The following GRIN2B variants were observed in gnomAD, a reference collection of about 807,000 sequenced individuals.
GRIN2B encodes the protein glutamate ionotropic receptor NMDA type subunit 2B.
A neutral mutation model predicts 114.5 loss-of-function variants in GRIN2B; 5 were observed. That is an observed-to-expected ratio of 0.04 (90% confidence interval 0.02 to 0.09). The LOEUF is 0.09. Among genes scored for constraint, GRIN2B ranks in the 10% least tolerant of loss-of-function variants. GRIN2B has a pLI of 1.00. For missense variants in GRIN2B, 1,108 were observed against 1,943.5 expected, an observed-to-expected ratio of 0.57 and a Z score of 8.08; for synonymous variants, 787 against 745.1, an observed-to-expected ratio of 1.06 and a Z score of -0.92.
At chr12:13,625,648 G>A (rs1408171617) in intron 5 of GRIN2B, among the ~76,000 whole-genome samples, 1 of 152,122 alleles carries the variant, frequency 6.6e-6, no homozygotes, top group Non-Finnish European at 1.5e-5. Flanking sequence ...CAATTGTCAA[G>A]GGGGAAATAC....
At chr12:13,840,515 G>A (rs910070737) in intron 3 of GRIN2B, among the ~76,000 whole-genome samples, 1 of 151,914 alleles carries the variant, frequency 6.6e-6, no homozygotes, top group South Asian at 2.1e-4. Context: ...CAGTTTTCTT[G>A]TATATAAAAT....
rs1022239441 is a variant in GRIN2B, at chr12:13,972,379, A to C, written c.-19+7549T>G. 3.3e-5 allele frequency among the ~76,000 whole-genome samples: 5 copies of C among 152,188 alleles called. No homozygotes were observed. In the East Asian group the frequency reaches 9.6e-4, roughly 29 times the overall value. On this transcript the variant is annotated intron_variant, in intron 2 of 13. Transcript: ENST00000609686. ...ACGGTTTGTACATGGTCACAGAATAAAGCAACACAAGCAGAATTAAATATA... is the reference window on the plus strand; with the variant it reads ...ACGGTTTGTACATGGTCACAGAATACAGCAACACAAGCAGAATTAAATATA...
intron 3 of GRIN2B, among the ~76,000 whole-genome samples, chr12:13,818,359 C>G (rs1864869674): frequency 6.6e-6 from 1 of 152,198 alleles, no homozygotes. Flanking sequence ...TTTCTGGGTA[C>G]TAATTCATGC....
intron 12 of GRIN2B, among the ~76,000 whole-genome samples, chr12:13,569,614 T>TGAGAC (rs1948682435): frequency 6.6e-6 from 1 of 152,220 alleles, no homozygotes; most frequent in East Asian, 1.9e-4. Context: ...TCTGGAAATG[T>TGAGAC]GAGACAAGAC....
At chr12:13,819,519 T>C (rs1404810038) in intron 3 of GRIN2B, among the ~76,000 whole-genome samples, 2 of 152,184 alleles carry the variant, frequency 1.3e-5, no homozygotes, top group African/African-American at 2.4e-5. Flanking sequence ...ACAGGATGTG[T>C]TTCCTAGTTC....
rs117091055 is a variant in GRIN2B at position 13,606,704 on chromosome 12, G to A, written c.2010+1899C>T. ...GTTACAGAAACAGTCACCAAAAGGC[G>A]ATTGTGGTAGCGGCTGCAAATGGGG... On this transcript the variant is annotated intron_variant, in intron 10 of 13. Coordinates refer to ENST00000609686, the MANE Select transcript of GRIN2B (RefSeq NM_000834.5). Among the ~76,000 whole-genome samples the A allele has an allele frequency of 6.0e-3, 921 of 152,274 alleles. 6 individuals are homozygous for A. The highest frequency in any genetic ancestry group is 9.4e-3 in the Non-Finnish European group (641 of 68,028).
At chr12:13,640,473 A>G (rs2136506429) in intron 5 of GRIN2B, among the ~76,000 whole-genome samples, 1 of 152,016 alleles carries the variant, frequency 6.6e-6, no homozygotes, top group East Asian at 1.9e-4. Context: ...GTTATTCCCC[A>G]TAGCTGTTGT....
rs1346466765 is a variant in GRIN2B at position 13,541,666 on chromosome 12, G to A, written c.*21117C>T. The A allele has an allele frequency of 6.6e-6, 1 of 152,248 alleles. No individual in the cohort carries two copies. Among genetic ancestry groups the A allele is most frequent in the Non-Finnish European group, 1.5e-5 (1 of 68,052 alleles). The allele number at this position is 152,248 out of a possible 1,614,324, so 9.4% of individuals were successfully genotyped here. ...TTAATCTTTTGGGGGAAAACGGCTG[G>A]CAGGATATGACCATGCTGAAGGGTT... On this transcript the variant is annotated 3_prime_UTR_variant, in exon 14 of 14. Coordinates refer to ENST00000609686, the MANE Select transcript of GRIN2B (RefSeq NM_000834.5).
At chr12:13,600,162 C>A (rs1187543852) in intron 10 of GRIN2B, among the ~76,000 whole-genome samples, 1 of 152,124 alleles carries the variant, frequency 6.6e-6, no homozygotes. Flanking sequence ...TAATACAGAG[C>A]AGATCCAGGA....
At chr12:13,681,363 G>T (rs535778128) in intron 4 of GRIN2B, among the ~76,000 whole-genome samples, 7 of 152,084 alleles carry the variant, frequency 4.6e-5, no homozygotes, top group Admixed American at 3.9e-4. Flanking sequence ...CCCCTAGTCC[G>T]GTGTTCTTTC....
At chr12:13,965,259 G>A (rs1337626318) in intron 2 of GRIN2B, among the ~76,000 whole-genome samples, 1 of 152,122 alleles carries the variant, frequency 6.6e-6, no homozygotes, top group Non-Finnish European at 1.5e-5. Flanking sequence ...GTAACTGAAA[G>A]GTTTGATATT....
chr12:13,547,981 A>ATATATATATATTTTTTTT lies in GRIN2B; in HGVS notation c.*14801_*14802insAAAAAAAATATATATATA. ...TGTGTATATATATATATATATATATATTTTTTTTTTTTTTCTGAAAGCTAC... is the reference window on the plus strand; with the variant it reads ...TGTGTATATATATATATATATATATATATATATATATTTTTTTTTTTTTTTTTTTTTTCTGAAAGCTAC... On this transcript the variant is annotated 3_prime_UTR_variant, in exon 14 of 14. Transcript: ENST00000609686. 2.9e-5 allele frequency: 2 copies of ATATATATATATTTTTTTT among 68,576 alleles called. No individual in the cohort carries two copies. The highest frequency in any genetic ancestry group is 4.6e-5 in the African/African-American group (1 of 21,750). 4.2% of individuals were successfully genotyped at this position (68,576 alleles called of 1,614,324 possible). A position where few individuals can be genotyped will look rare whatever the true frequency, so the allele number is the denominator to read the frequency against.
At chr12:13,631,459 G>A (rs2136497545) in intron 5 of GRIN2B, among the ~76,000 whole-genome samples, 1 of 152,226 alleles carries the variant, frequency 6.6e-6, no homozygotes, top group Admixed American at 6.5e-5. Context: ...GAAGTGCCTT[G>A]AAACTAGCTA....
At chr12:13,582,637 C>T (rs528828065) in intron 10 of GRIN2B, among the ~76,000 whole-genome samples, 8 of 152,034 alleles carry the variant, frequency 5.3e-5, no homozygotes, top group African/African-American at 1.2e-4. Flanking sequence ...TGCTGTCATT[C>T]GAGGCTGTAT....
At chr12:13,897,272 C>G (rs929683662) in intron 2 of GRIN2B, among the ~76,000 whole-genome samples, 3 of 152,116 alleles carry the variant, frequency 2.0e-5, no homozygotes, top group Non-Finnish European at 4.4e-5. Context: ...TAGCTAGAGC[C>G]CCACTGCAGC....
rs562725578 is a variant in GRIN2B, at chr12:13,601,807, G to A, written c.2010+6796C>T. Among the ~76,000 whole-genome samples, 12 of 152,266 alleles carry A rather than the reference G, an allele frequency of 7.9e-5. No individual in the cohort carries two copies. The South Asian group carries it at 2.3e-3, about 29-fold the overall frequency. On this transcript the variant is annotated intron_variant, in intron 10 of 13. Transcript: ENST00000609686. ...TCAACTCCGGGTCATCTGCCCCTCA[G>A]GACTTGGAGGGTGACCCACTACTAA...
intron 2 of GRIN2B, among the ~76,000 whole-genome samples, chr12:13,886,576 T>C (rs10845856): frequency 0.4 from 60,884 of 151,896 alleles, 13,476 homozygotes; most frequent in East Asian, 0.65. Context: ...GAAACAGAAA[T>C]GGCACCATCT....
intron 5 of GRIN2B, among the ~76,000 whole-genome samples, chr12:13,655,830 T>C (rs755506520): frequency 1.3e-5 from 2 of 152,242 alleles, no homozygotes; most frequent in Admixed American, 6.5e-5. Context: ...AACACTTTGT[T>C]ATCTGTCAAT....
intron 2 of GRIN2B, among the ~76,000 whole-genome samples, chr12:13,930,492 T>C (rs1262302275): frequency 6.6e-6 from 1 of 152,202 alleles, no homozygotes; most frequent in African/African-American, 2.4e-5. Flanking sequence ...AGCATCCACC[T>C]GCCCCTGATC....
Sources: allele counts gnomAD v4.1 joint callset (sites outside exome capture counted in the v4.1 genomes callset), GRCh38; gene constraint gnomAD v4.1.1; transcripts MANE v1.5; gene names NCBI Gene and HGNC (gene_info 2026-07-23, HGNC 2026-07-21).